Variants in LRMDA observed in about 807,000 individuals in gnomAD.
The protein encoded by LRMDA is leucine rich melanocyte differentiation associated, also known as leucine-rich melanocyte differentiation-associated protein.
A neutral mutation model predicts 29.8 loss-of-function variants in LRMDA; 18 were observed. The ratio of observed to expected loss-of-function variants is 0.60; its 90% CI spans 0.42 to 0.90. LRMDA has a LOEUF of 0.90. Ranked by LOEUF, LRMDA falls within the 40% of genes least tolerant of loss-of-function variation. The pLI, the probability that LRMDA is intolerant of heterozygous loss-of-function variation, is 0.00. For synonymous variants in LRMDA, 125 were observed against 109.4 expected (o/e 1.14, Z -0.89); for missense variants, 273 against 273.9 (o/e 1.00, Z 0.02).
intron 6 of LRMDA, among the ~76,000 whole-genome samples, chr10:76,489,724 CA>C (rs936864814): frequency 4.8e-4 from 73 of 151,780 alleles, no homozygotes; most frequent in African/African-American, 1.6e-3. Context: ...TCAGTCATTT[CA>C]AAAAATATTT....
At position 75,707,454 on chromosome 10, in the gene LRMDA, C is replaced by T. The variant is rs143615942; in HGVS notation, c.131+268960C>T. 1.1e-3 allele frequency among the ~76,000 whole-genome samples: 172 copies of T among 152,292 alleles called. 1 individual carries two copies. Among genetic ancestry groups the T allele is most frequent in the East Asian group, 9.9e-3 (51 of 5,176 alleles). On this transcript the variant is annotated intron_variant, in intron 2 of 6. Coordinates refer to ENST00000611255, the MANE Select transcript of LRMDA (RefSeq NM_001305581.2). The stretch of plus-strand genomic sequence containing the variant: ...TCCAAGGTCATAACACCCATGGATG[C>T]CAGGCAGATTTAGAAGCAAGGGTCC...
intron 2 of LRMDA, among the ~76,000 whole-genome samples, chr10:75,769,445 G>A (rs558498647): frequency 6.6e-6 from 1 of 152,288 alleles, no homozygotes; most frequent in East Asian, 1.9e-4. Context: ...GTAGCAATAA[G>A]GCTAATAATT....
At chr10:75,992,479 A>G (rs182641607) in intron 2 of LRMDA, among the ~76,000 whole-genome samples, 34 of 152,332 alleles carry the variant, frequency 2.2e-4, no homozygotes, top group African/African-American at 7.2e-4. Flanking sequence ...GGGGAGATCA[A>G]GTCTCCAGTT....
intron 6 of LRMDA, among the ~76,000 whole-genome samples, chr10:76,524,388 GA>G (rs1338654210): frequency 6.6e-6 from 1 of 152,174 alleles, no homozygotes; most frequent in African/African-American, 2.4e-5. Context: ...ATTCATTAAC[GA>G]AAACGTAAAC....
intron 5 of LRMDA, among the ~76,000 whole-genome samples, chr10:76,095,269 A>C (rs1259075144): frequency 6.6e-6 from 1 of 152,186 alleles, no homozygotes; most frequent in Non-Finnish European, 1.5e-5. Context: ...ACTTATCATA[A>C]CGCATGTAAG....
intron 6 of LRMDA, among the ~76,000 whole-genome samples, chr10:76,384,301 G>A (rs1841633509): frequency 6.6e-6 from 1 of 152,062 alleles, no homozygotes; most frequent in Non-Finnish European, 1.5e-5. Context: ...TCATTCAATT[G>A]ATATTTGTTA....
At chr10:75,756,449 T>C (rs2132224014) in intron 2 of LRMDA, among the ~76,000 whole-genome samples, 1 of 152,310 alleles carries the variant, frequency 6.6e-6, no homozygotes, top group African/African-American at 2.4e-5. Context: ...GATGACCTCC[T>C]GGAGATCCCC....
chr10:75,586,530 G>A (rs1840658170), intron 2 of LRMDA, among the ~76,000 whole-genome samples: 1 of 151,552 alleles, frequency 6.6e-6, no homozygotes. Context: ...GCTAATTTTT[G>A]TATGTTTTCT....
At chr10:75,514,020 T>G (rs563887890) in intron 2 of LRMDA, among the ~76,000 whole-genome samples, 30 of 152,310 alleles carry the variant, frequency 2.0e-4, no homozygotes, top group African/African-American at 7.2e-4. Context: ...TTTCCTGAAC[T>G]TCTGGAATCA....
At chr10:75,660,671 A>G (rs1841740752) in intron 2 of LRMDA, among the ~76,000 whole-genome samples, 1 of 152,206 alleles carries the variant, frequency 6.6e-6, no homozygotes, top group Admixed American at 6.5e-5. Context: ...TTTCAAAAAC[A>G]GAGAATGAAT....
chr10:76,076,298 G>A (rs916591409), intron 5 of LRMDA, among the ~76,000 whole-genome samples: 2 of 126,006 alleles, frequency 1.6e-5, no homozygotes, highest in East Asian at 2.2e-4. Context: ...AGCCGAGACC[G>A]CCATGCCACT....
intron 5 of LRMDA, among the ~76,000 whole-genome samples, chr10:76,203,694 C>T (rs1022434777): frequency 6.6e-6 from 1 of 151,958 alleles, no homozygotes; most frequent in African/African-American, 2.4e-5. Context: ...CCCGTCCACC[C>T]ATCTCTATTC....
chr10:75,931,235 G>C (rs1846200788), intron 2 of LRMDA, among the ~76,000 whole-genome samples: 1 of 152,176 alleles, frequency 6.6e-6, no homozygotes, highest in South Asian at 2.1e-4. Context: ...ATTGTGAATA[G>C]GGACAGCAGA....
intron 5 of LRMDA, among the ~76,000 whole-genome samples, chr10:76,091,664 C>T (rs944128427): frequency 1.3e-5 from 2 of 151,996 alleles, no homozygotes; most frequent in African/African-American, 2.4e-5. Flanking sequence ...CATCCCCCTC[C>T]CACCAACTCC....
At chr10:75,635,822 A>T (rs1197317005) in intron 2 of LRMDA, among the ~76,000 whole-genome samples, 11 of 150,862 alleles carry the variant, frequency 7.3e-5, no homozygotes, top group African/African-American at 2.0e-4. Context: ...ATTGGTCTGC[A>T]TTCCTGTATT....
intron 6 of LRMDA, among the ~76,000 whole-genome samples, chr10:76,506,969 A>G (rs1384007177): frequency 6.6e-6 from 1 of 152,134 alleles, no homozygotes; most frequent in Non-Finnish European, 1.5e-5. Context: ...TCTTTTGGAC[A>G]TATACCCAGC....
intron 5 of LRMDA, among the ~76,000 whole-genome samples, chr10:76,280,407 A>G (rs974452876): frequency 1.3e-5 from 2 of 152,140 alleles, no homozygotes; most frequent in Non-Finnish European, 2.9e-5. Context: ...ATTATATGGA[A>G]TCACTTTTTT....
chr10:76,452,324 T>G (rs1473275849), intron 6 of LRMDA, among the ~76,000 whole-genome samples: 2 of 152,102 alleles, frequency 1.3e-5, no homozygotes, highest in Non-Finnish European at 2.9e-5. Context: ...GGGAAGGCCA[T>G]GTGGGGTCCA....
chr10:76,196,755 A>G (rs1851337889), intron 5 of LRMDA, among the ~76,000 whole-genome samples: 1 of 152,228 alleles, frequency 6.6e-6, no homozygotes, highest in African/African-American at 2.4e-5. Flanking sequence ...CATGCATGCA[A>G]TTGCATTATA....
Sources: gnomAD v4.1 joint callset for allele counts (sites outside exome capture counted in the v4.1 genomes callset) on GRCh38, gnomAD v4.1.1 for gene constraint, MANE v1.5 for transcripts, NCBI Gene and HGNC (gene_info 2026-07-23, HGNC 2026-07-21) for gene names.